Variants in PDE4B observed in about 807,000 individuals in gnomAD.
PDE4B encodes the protein phosphodiesterase 4B.
Under a neutral mutation model 82.2 loss-of-function variants are expected in PDE4B, and 20 were observed. The ratio of observed to expected loss-of-function variants is 0.24; its 90% confidence interval spans 0.17 to 0.35. The LOEUF is 0.35. PDE4B is among the 10% of genes least tolerant of loss of function. PDE4B has a pLI of 1.00. For synonymous variants in PDE4B, 320 were observed against 318.9 expected (o/e 1.00, Z -0.04); for missense variants, 655 against 907.2 (o/e 0.72, Z 3.57).
intron 7 of PDE4B, among the ~76,000 whole-genome samples, chr1:66,314,185 A>G (rs1658861419): frequency 1.3e-5 from 2 of 152,134 alleles, no homozygotes; most frequent in East Asian, 3.9e-4. Flanking sequence ...ATTCTAGCCT[A>G]CACAGGTAAT....
chr1:66,240,590 T>A (rs1652815664), intron 3 of PDE4B, among the ~76,000 whole-genome samples: 1 of 152,216 alleles, frequency 6.6e-6, no homozygotes. Flanking sequence ...ATTTTCTTCA[T>A]GGTATTTCTC....
chr1:66,336,901 G>C (rs1276805293), intron 8 of PDE4B, among the ~76,000 whole-genome samples: 1 of 152,226 alleles, frequency 6.6e-6, no homozygotes, highest in Non-Finnish European at 1.5e-5. Flanking sequence ...GCAGGATAAA[G>C]TCACACTATT....
intron 4 of PDE4B, among the ~76,000 whole-genome samples, chr1:66,251,807 G>T (rs576838253): frequency 6.6e-6 from 1 of 152,168 alleles, no homozygotes; most frequent in Non-Finnish European, 1.5e-5. Context: ...GGATGAGGAA[G>T]TGGTGAAAAA....
chr1:66,110,288 A>G (rs1645456264), intron 3 of PDE4B, among the ~76,000 whole-genome samples: 1 of 151,992 alleles, frequency 6.6e-6, no homozygotes, highest in Admixed American at 6.6e-5. Context: ...TGCAAGTGTG[A>G]GATGGAAGTA....
intron 3 of PDE4B, chr1:65,992,718 T>A: frequency 1.5e-6 from 2 of 1,346,680 alleles, no homozygotes; most frequent in Non-Finnish European, 1.9e-6. Flanking sequence ...AAGCTCCTTG[T>A]GACAGCCTGA....
rs539022857 is a variant in PDE4B at position 65,925,151 on chromosome 1, C to T, written c.281+6316C>T. On this transcript the variant is annotated intron_variant, in intron 3 of 16. Coordinates refer to ENST00000341517, the MANE Select transcript of PDE4B (RefSeq NM_002600.4). ...CTAAAGTTTTCAGTGAGTCTATTTT[C>T]TATTATCTGTGTTTCCTGATAGTTT... is the stretch of plus-strand genomic sequence containing the variant. Among the ~76,000 whole-genome samples, 4 of 152,262 alleles carry T rather than the reference C, an allele frequency of 2.6e-5. No homozygotes were observed. In the South Asian group the frequency reaches 6.2e-4, roughly 24 times the overall value.
At chr1:66,084,429 C>T (rs1440082885) in intron 3 of PDE4B, among the ~76,000 whole-genome samples, 1 of 152,150 alleles carries the variant, frequency 6.6e-6, no homozygotes, top group Non-Finnish European at 1.5e-5. Flanking sequence ...CGTGAACACC[C>T]TTGCAAACAT....
chr1:66,067,363 AT>A (rs1655910042), intron 3 of PDE4B, among the ~76,000 whole-genome samples: 1 of 151,808 alleles, frequency 6.6e-6, no homozygotes, highest in Non-Finnish European at 1.5e-5. Context: ...GTTTCCTGAC[AT>A]TTTAATGATC....
chr1:66,056,635 T>A (rs942182847), intron 3 of PDE4B, among the ~76,000 whole-genome samples: 4 of 151,868 alleles, frequency 2.6e-5, no homozygotes, highest in African/African-American at 9.7e-5. Flanking sequence ...TTGTGATCAG[T>A]CTAATCACAT....
intron 7 of PDE4B, among the ~76,000 whole-genome samples, chr1:66,266,437 C>T (rs541124395): frequency 1.2e-4 from 18 of 152,288 alleles, no homozygotes; most frequent in East Asian, 7.7e-4. Context: ...GAGCTAACAT[C>T]GAAGACCTAA....
At chr1:66,354,824 T>G (rs1298739130) in intron 8 of PDE4B, 2 of 1,535,482 alleles carry the variant, frequency 1.3e-6, no homozygotes, top group South Asian at 1.2e-5. Flanking sequence ...ATTTGTGGAT[T>G]GTGGCAAGGA....
chr1:66,285,159 A>G (rs1570623618), intron 7 of PDE4B, among the ~76,000 whole-genome samples: 1 of 152,154 alleles, frequency 6.6e-6, no homozygotes, highest in African/African-American at 2.4e-5. Context: ...ATTTCCTTGT[A>G]ATGTTTAAGC....
chr1:66,062,111 T>C (rs1655610999), intron 3 of PDE4B, among the ~76,000 whole-genome samples: 1 of 152,104 alleles, frequency 6.6e-6, no homozygotes, highest in Admixed American at 6.6e-5. Context: ...ACTTTAGCCA[T>C]CTTAGCATTT....
At chr1:66,228,399 C>A (rs543785574) in intron 3 of PDE4B, among the ~76,000 whole-genome samples, 1 of 152,040 alleles carries the variant, frequency 6.6e-6, no homozygotes, top group Non-Finnish European at 1.5e-5. Context: ...CCAAGGCGGG[C>A]GGATCACGAG....
At chr1:66,132,273 G>C (rs1171164903) in intron 3 of PDE4B, among the ~76,000 whole-genome samples, 2 of 152,166 alleles carry the variant, frequency 1.3e-5, no homozygotes, top group African/African-American at 2.4e-5. Context: ...CAGTATAGCT[G>C]GGAGAACATA....
intron 3 of PDE4B, among the ~76,000 whole-genome samples, chr1:66,015,815 C>T (rs1652743266): frequency 1.3e-5 from 2 of 152,082 alleles, no homozygotes; most frequent in African/African-American, 4.8e-5. Context: ...TTCTCTCAAC[C>T]TTGGACACCT....
intron 3 of PDE4B, among the ~76,000 whole-genome samples, chr1:65,979,011 A>G (rs191652056): frequency 2.0e-5 from 3 of 152,272 alleles, no homozygotes; most frequent in East Asian, 1.9e-4. Flanking sequence ...TTTTACTATC[A>G]TCATCATCAT....
At chr1:66,189,144 G>A (rs1647488314) in intron 3 of PDE4B, among the ~76,000 whole-genome samples, 1 of 152,118 alleles carries the variant, frequency 6.6e-6, no homozygotes, top group Admixed American at 6.6e-5. Flanking sequence ...TTTTCTTTAA[G>A]AATGTTGAAT....
chr1:65,835,463 T>C (rs1032176252), intron 1 of PDE4B, among the ~76,000 whole-genome samples: 1 of 152,124 alleles, frequency 6.6e-6, no homozygotes, highest in African/African-American at 2.4e-5. Flanking sequence ...ATTTTCAAAA[T>C]ACGATATCGG....
Sources: gnomAD v4.1 joint callset for allele counts (sites outside exome capture counted in the v4.1 genomes callset) on GRCh38, gnomAD v4.1.1 for gene constraint, MANE v1.5 for transcripts, NCBI Gene and HGNC (gene_info 2026-07-23, HGNC 2026-07-21) for gene names.